ADARB2: variants seen among roughly 807,000 people sequenced by gnomAD.
ADARB2 encodes the protein inactive double-stranded RNA-specific editase B2.
In ADARB2, 25 loss-of-function variants were observed where a neutral mutation model predicts 62.2. The ratio of observed to expected loss-of-function variants is 0.40; its 90% CI spans 0.29 to 0.56. The LOEUF (loss-of-function observed/expected upper bound fraction) is 0.56. Among genes scored for constraint, ADARB2 ranks in the 20% least tolerant of loss-of-function variants. ADARB2 has a pLI of 0.43. For synonymous variants in ADARB2, 572 were observed against 500.8 expected, an observed-to-expected ratio of 1.14 and a Z score of -1.90; for missense variants, 1,071 against 1,077.4, an observed-to-expected ratio of 0.99 and a Z score of 0.08.
At chr10:1,262,287 T>TATAATAATAATA (rs55721350) in intron 4 of ADARB2, among the ~76,000 whole-genome samples, 19,092 of 135,528 alleles carry the variant, frequency 0.14, 1,695 homozygotes, top group Middle Eastern at 0.32. Context: ...AAACTTAAAG[T>TATAATAATAATA]ATAATAATAA....
chr10:1,270,490 C>T (rs1195368710), intron 4 of ADARB2, among the ~76,000 whole-genome samples: 1 of 152,226 alleles, frequency 6.6e-6, no homozygotes, highest in African/African-American at 2.4e-5. Context: ...AGCCCTCATT[C>T]ATCTTCCCCC....
intron 1 of ADARB2, among the ~76,000 whole-genome samples, chr10:1,512,050 A>G (rs1395965603): frequency 1.3e-5 from 2 of 151,732 alleles, no homozygotes; most frequent in East Asian, 1.9e-4. Context: ...ATGTCAAGAC[A>G]TGGATGCTGT....
At chr10:1,405,354 G>T (rs544156328) in intron 1 of ADARB2, among the ~76,000 whole-genome samples, 80 of 152,228 alleles carry the variant, frequency 5.3e-4, no homozygotes, top group Non-Finnish European at 1.0e-3. Context: ...TGAAACTCAG[G>T]CTGGCTCTAG....
intron 1 of ADARB2, among the ~76,000 whole-genome samples, chr10:1,676,876 CAGTG>C (rs140900207): frequency 0.086 from 13,045 of 152,168 alleles, 739 homozygotes; most frequent in East Asian, 0.22. Flanking sequence ...GGGTGAGGCC[CAGTG>C]AGTGTCAGAA....
chr10:1,507,454 A>G (rs1831866803), intron 1 of ADARB2, among the ~76,000 whole-genome samples: 1 of 152,190 alleles, frequency 6.6e-6, no homozygotes, highest in Admixed American at 6.5e-5. Context: ...TTCTGCTCAC[A>G]CTGCCCTTCA....
intron 1 of ADARB2, among the ~76,000 whole-genome samples, chr10:1,470,957 G>C (rs1002195062): frequency 6.6e-6 from 1 of 152,166 alleles, no homozygotes; most frequent in Non-Finnish European, 1.5e-5. Context: ...TATTCGGGAG[G>C]CTGAGGCAGG....
rs528841389 is a variant in ADARB2 at position 1,628,770 on chromosome 10, T to C, written c.100+108281A>G. 1.7e-3 allele frequency among the ~76,000 whole-genome samples: 254 copies of C among 152,338 alleles called. 2 individuals carry two copies. Among genetic ancestry groups the C allele is most frequent in the African/African-American group, 6.0e-3 (248 of 41,590 alleles). Reference sequence around the variant, plus strand: ...CAAAGACTTTCCTGGTGTGTCTTTCTCTTCTGGAAACTATGGAGAAAAATG... The same window carrying C: ...CAAAGACTTTCCTGGTGTGTCTTTCCCTTCTGGAAACTATGGAGAAAAATG... On this transcript the variant is annotated intron_variant, in intron 1 of 9. Transcript: ENST00000381312.
At chr10:1,380,023 C>T (rs991142125) in intron 1 of ADARB2, among the ~76,000 whole-genome samples, 2 of 152,180 alleles carry the variant, frequency 1.3e-5, no homozygotes, top group Non-Finnish European at 2.9e-5. Context: ...AAAAGAAAAG[C>T]TCCTTAATTT....
chr10:1,253,076 G>T (rs1329649199), intron 4 of ADARB2, among the ~76,000 whole-genome samples: 1 of 152,174 alleles, frequency 6.6e-6, no homozygotes, highest in African/African-American at 2.4e-5. Context: ...CTGCTTACTT[G>T]AGGCAAGAAT....
chr10:1,332,791 G>A (rs1379177513), intron 3 of ADARB2, among the ~76,000 whole-genome samples: 2 of 152,142 alleles, frequency 1.3e-5, no homozygotes, highest in Non-Finnish European at 2.9e-5. Context: ...TTTATTTGAG[G>A]AAAAACCCCA....
At chr10:1,251,936 G>A (rs1341142057) in intron 4 of ADARB2, among the ~76,000 whole-genome samples, 4 of 152,146 alleles carry the variant, frequency 2.6e-5, no homozygotes, top group African/African-American at 9.7e-5. Flanking sequence ...GCCTGCTGAC[G>A]TCTGGATTGT....
chr10:1,435,226 C>A (rs1830821853), intron 1 of ADARB2, among the ~76,000 whole-genome samples: 1 of 152,164 alleles, frequency 6.6e-6, no homozygotes, highest in Non-Finnish European at 1.5e-5. Flanking sequence ...AGCAGATGAA[C>A]GGCAGGAGCT....
chr10:1,574,203 G>A (rs948509149), intron 1 of ADARB2, among the ~76,000 whole-genome samples: 7 of 152,182 alleles, frequency 4.6e-5, no homozygotes, highest in African/African-American at 9.7e-5. Context: ...AGCACGGAAC[G>A]GACAGCCTCT....
At chr10:1,280,111 G>A (rs961730264) in intron 3 of ADARB2, among the ~76,000 whole-genome samples, 3 of 152,004 alleles carry the variant, frequency 2.0e-5, no homozygotes, top group Admixed American at 6.5e-5. Context: ...CTCACTCTCC[G>A]GTGTCACCTC....
At chr10:1,615,944 A>G (rs561992519) in intron 1 of ADARB2, among the ~76,000 whole-genome samples, 3 of 152,318 alleles carry the variant, frequency 2.0e-5, no homozygotes, top group African/African-American at 7.2e-5. Flanking sequence ...CTAAATAAGG[A>G]GAAAGCCACT....
chr10:1,717,721 GCA>G (rs1479460521), intron 1 of ADARB2, among the ~76,000 whole-genome samples: 1 of 151,928 alleles, frequency 6.6e-6, no homozygotes, highest in Non-Finnish European at 1.5e-5. Context: ...GGGACTACAA[GCA>G]CACACCACCA....
At chr10:1,713,050 G>A (rs1001859757) in intron 1 of ADARB2, among the ~76,000 whole-genome samples, 1 of 152,138 alleles carries the variant, frequency 6.6e-6, no homozygotes, top group African/African-American at 2.4e-5. Flanking sequence ...TTGTCAACTA[G>A]CTGACATCAG....
At chr10:1,348,674 TA>T (rs1832105039) in intron 3 of ADARB2, among the ~76,000 whole-genome samples, 2 of 152,262 alleles carry the variant, frequency 1.3e-5, no homozygotes, top group South Asian at 4.1e-4. Flanking sequence ...GAAGCAGAAT[TA>T]AGGGCTGTGA....
chr10:1,706,122 G>A (rs1834887411), intron 1 of ADARB2, among the ~76,000 whole-genome samples: 1 of 152,222 alleles, frequency 6.6e-6, no homozygotes, highest in Admixed American at 6.5e-5. Flanking sequence ...TTTTATCAGA[G>A]AGCAGAGAAT....
Sources: gnomAD v4.1 joint callset for allele counts (sites outside exome capture counted in the v4.1 genomes callset) on GRCh38, gnomAD v4.1.1 for gene constraint, MANE v1.5 for transcripts, NCBI Gene and HGNC (gene_info 2026-07-23, HGNC 2026-07-21) for gene names.